SLC2A9: variants seen among roughly 807,000 people sequenced by gnomAD.
SLC2A9 encodes solute carrier family 2, facilitated glucose transporter member 9.
In SLC2A9, 39 loss-of-function variants were observed where a neutral mutation model predicts 50.6. The observed-to-expected ratio is 0.77, with a 90% CI of 0.60 to 1.01. SLC2A9 has a LOEUF of 1.01. Ranked by LOEUF, SLC2A9 falls within the 50% of genes least tolerant of loss-of-function variation. The pLI is 0.00. For missense variants in SLC2A9, 686 were observed against 677.6 expected (o/e 1.01, Z -0.14); for synonymous variants, 324 against 276.9 (o/e 1.17, Z -1.69).
chr4:10,019,678 A>C (rs1205803084), intron 1 of SLC2A9, among the ~76,000 whole-genome samples: 2 of 152,240 alleles, frequency 1.3e-5, no homozygotes, highest in Non-Finnish European at 2.9e-5. Flanking sequence ...GACTGCCGAC[A>C]GCCAGACAGA....
At chr4:9,959,744 G>C (rs7672947) in intron 5 of SLC2A9, among the ~76,000 whole-genome samples, 73,491 of 152,032 alleles carry the variant, frequency 0.48, 19,119 homozygotes, top group African/African-American at 0.67. Context: ...GGTTCCCTTT[G>C]TGGAGTTTCA....
At chr4:10,024,609 A>G (rs1051825240), upstream of SLC2A9, among the ~76,000 whole-genome samples, 1 of 152,202 alleles carries the variant, frequency 6.6e-6, no homozygotes, top group Non-Finnish European at 1.5e-5. Flanking sequence ...TAAGCTGCCC[A>G]GTCTATGGGA....
chr4:9,950,697 TCCTGGC>T (rs1477990214), intron 5 of SLC2A9, among the ~76,000 whole-genome samples: 8,667 of 41,972 alleles, frequency 0.21, 2,512 homozygotes, highest in African/African-American at 0.52. Context: ...ATCGAGACCA[TCCTGGC>T]TAACACGGTG....
intron 7 of SLC2A9, among the ~76,000 whole-genome samples, chr4:9,911,306 A>G (rs1741746641): frequency 6.6e-6 from 1 of 151,950 alleles, no homozygotes; most frequent in South Asian, 2.1e-4. Context: ...TGTACATCAC[A>G]CACACTGCCA....
At chr4:9,791,131 C>T (rs1235410038) in intron 3 of SLC2A9, among the ~76,000 whole-genome samples, 1 of 151,608 alleles carries the variant, frequency 6.6e-6, no homozygotes, top group Non-Finnish European at 1.5e-5. Flanking sequence ...GTGGGCCAAG[C>T]TGTATGTAAT....
downstream of SLC2A9, among the ~76,000 whole-genome samples, chr4:9,776,513 G>A (rs1234410556): frequency 6.6e-6 from 1 of 151,990 alleles, no homozygotes; most frequent in African/African-American, 2.4e-5. Context: ...AGCAATCAGA[G>A]GCCGGCACAG....
chr4:9,908,457 G>T (rs548989476), intron 7 of SLC2A9, 112 bp from the exon 8 acceptor site: 1 of 738,474 alleles, frequency 1.4e-6, no homozygotes, highest in East Asian at 2.7e-5. Flanking sequence ...AGAGTCCCAA[G>T]GTGGAGAGGC....
intron 6 of SLC2A9, among the ~76,000 whole-genome samples, chr4:9,934,467 C>A (rs772014318): frequency 2.0e-5 from 3 of 152,264 alleles, no homozygotes; most frequent in East Asian, 1.9e-4. Context: ...GATGGCAGAA[C>A]AAGAATCCTC....
At chr4:9,978,998 G>A (rs1175891648) in intron 5 of SLC2A9, among the ~76,000 whole-genome samples, 1 of 152,120 alleles carries the variant, frequency 6.6e-6, no homozygotes, top group African/African-American at 2.4e-5. Flanking sequence ...AAAGGAGCTG[G>A]CCCTAGAGTC....
intron 6 of SLC2A9, among the ~76,000 whole-genome samples, chr4:9,937,594 T>C (rs1747322180): frequency 6.6e-6 from 1 of 152,206 alleles, no homozygotes; most frequent in Non-Finnish European, 1.5e-5. Flanking sequence ...CCCACCTCCC[T>C]CTGCCCAGCT....
At chr4:9,774,982 C>T (rs943605721), downstream of SLC2A9, among the ~76,000 whole-genome samples, 8 of 152,144 alleles carry the variant, frequency 5.3e-5, no homozygotes, top group Non-Finnish European at 8.8e-5. Flanking sequence ...CAATCCAGGC[C>T]AGAACTCCAT....
chr4:9,792,779 T>A (rs1426870388), intron 3 of SLC2A9: 1 of 152,272 alleles, frequency 6.6e-6, no homozygotes, highest in Non-Finnish European at 1.5e-5. Flanking sequence ...TTTTCTCCCA[T>A]CCAAGTACTA....
At chr4:10,016,411 G>C (rs1389165456) in intron 2 of SLC2A9, among the ~76,000 whole-genome samples, 1 of 152,164 alleles carries the variant, frequency 6.6e-6, no homozygotes, top group Non-Finnish European at 1.5e-5. Flanking sequence ...TGTCATGAGG[G>C]TGCACTGAGC....
At chr4:9,908,572 C>CT (rs532896169) in intron 7 of SLC2A9, among the ~76,000 whole-genome samples, 1 of 149,942 alleles carries the variant, frequency 6.7e-6, no homozygotes, top group East Asian at 1.9e-4. Flanking sequence ...TTTTATTATA[C>CT]TTTAAGTTCT....
At chr4:9,778,514 TC>T, downstream of SLC2A9, among the ~76,000 whole-genome samples, 1 of 152,230 alleles carries the variant, frequency 6.6e-6, no homozygotes, top group African/African-American at 2.4e-5. Context: ...AGATCGTAGT[TC>T]CCTCACCTCT....
At chr4:9,973,821 C>T (rs1340021402) in intron 5 of SLC2A9, among the ~76,000 whole-genome samples, 3 of 151,206 alleles carry the variant, frequency 2.0e-5, no homozygotes, top group Non-Finnish European at 4.4e-5. Flanking sequence ...TGTAACTAAC[C>T]TGCACGTTGT....
chr4:9,951,020 G>A (rs1398322777), intron 5 of SLC2A9, among the ~76,000 whole-genome samples: 8 of 151,858 alleles, frequency 5.3e-5, no homozygotes, highest in African/African-American at 9.7e-5. Flanking sequence ...AAATTCATAC[G>A]TCAAAGGGAT....
chr4:9,981,704 A>G (rs1206282217), intron 4 of SLC2A9, among the ~76,000 whole-genome samples: 1 of 152,286 alleles, frequency 6.6e-6, no homozygotes, highest in South Asian at 2.1e-4. Flanking sequence ...TATTATACTC[A>G]TTTTATAAAA....
chr4:9,839,679 A>G (rs1280543340), intron 10 of SLC2A9, among the ~76,000 whole-genome samples: 1 of 152,188 alleles, frequency 6.6e-6, no homozygotes, highest in Non-Finnish European at 1.5e-5. Context: ...CTTTGCAGGG[A>G]CATGGATGGA....
Sources: allele counts gnomAD v4.1 joint callset (sites outside exome capture counted in the v4.1 genomes callset), GRCh38; gene constraint gnomAD v4.1.1; transcripts MANE v1.5; gene names NCBI Gene and HGNC (gene_info 2026-07-23, HGNC 2026-07-21).